SLC2A13: variants seen among roughly 807,000 people sequenced by gnomAD.
SLC2A13 encodes the protein solute carrier family 2 member 13.
In SLC2A13, 32 loss-of-function variants were observed where a neutral mutation model predicts 64.4. The ratio of observed to expected loss-of-function variants is 0.50; its 90% CI spans 0.37 to 0.67. The LOEUF is 0.67. Among genes scored for constraint, SLC2A13 ranks in the 30% least tolerant of loss-of-function variants. SLC2A13 has a pLI of 0.00. For synonymous variants in SLC2A13, 338 were observed against 327.1 expected, an observed-to-expected ratio of 1.03 and a Z score of -0.36; for missense variants, 743 against 829.2, an observed-to-expected ratio of 0.90 and a Z score of 1.28.
chr12:39,998,936 C>T (rs1778290060), intron 3 of SLC2A13, among the ~76,000 whole-genome samples: 1 of 152,114 alleles, frequency 6.6e-6, no homozygotes, highest in Non-Finnish European at 1.5e-5. Context: ...GCAGGTCTTT[C>T]CCATGCTGTT....
chr12:39,967,537 G>A (rs1255295435), intron 3 of SLC2A13, among the ~76,000 whole-genome samples: 7 of 152,170 alleles, frequency 4.6e-5, no homozygotes, highest in African/African-American at 9.7e-5. Context: ...CAGCCATGAC[G>A]TAACTGCTGT....
Position 39,759,733 on chromosome 12 carries a change from T to C in SLC2A13, c.*293A>G. ...TGGTCTTAGGAAAAAAGGATACCAC[T>C]GAAGTCACTGGGTACAATATTCATT... On this transcript the variant is annotated 3_prime_UTR_variant, in exon 10 of 10. Coordinates refer to ENST00000280871, the MANE Select transcript of SLC2A13 (RefSeq NM_052885.4). 1 of 304,532 alleles carries C rather than the reference T, an allele frequency of 3.3e-6. No individual in the cohort carries two copies. Among genetic ancestry groups the C allele is most frequent in the Admixed American group, 4.8e-5 (1 of 20,922 alleles). 18.9% of individuals were successfully genotyped at this position (304,532 alleles called of 1,614,324 possible). A position where few individuals can be genotyped will look rare whatever the true frequency, so the allele number is the denominator to read the frequency against.
intron 7 of SLC2A13, among the ~76,000 whole-genome samples, chr12:39,785,062 A>G (rs1941136168): frequency 6.6e-6 from 1 of 152,242 alleles, no homozygotes; most frequent in African/African-American, 2.4e-5. Flanking sequence ...TTTTCTGGGG[A>G]GAAATTCAAG....
intron 3 of SLC2A13, among the ~76,000 whole-genome samples, chr12:40,022,666 G>C (rs1200132405): frequency 2.0e-5 from 3 of 152,074 alleles, no homozygotes; most frequent in Non-Finnish European, 4.4e-5. Flanking sequence ...GTGAAACCCC[G>C]TCTCTACTAG....
At chr12:39,854,142 A>T (rs1011356381) in intron 6 of SLC2A13, among the ~76,000 whole-genome samples, 3 of 151,820 alleles carry the variant, frequency 2.0e-5, no homozygotes, top group Non-Finnish European at 4.4e-5. Context: ...TAAGGGAGGC[A>T]GGTGGACAGA....
At position 39,968,061 on chromosome 12, in the gene SLC2A13, T is replaced by TA. The variant is rs544306363; in HGVS notation, c.926-16697dup. Among the ~76,000 whole-genome samples the TA allele has an allele frequency of 1.3e-4, 20 of 152,294 alleles. No homozygotes were observed. In the South Asian group the frequency reaches 4.1e-3, roughly 32 times the overall value. On this transcript the variant is annotated intron_variant, in intron 3 of 9. Transcript: ENST00000280871. ...AATTCCTATAGCTTCCCTCCTGTAT[T>TA]AGTCTATTCTCATATTGCTAATAAA...
chr12:39,756,074 C>G lies in SLC2A13; in HGVS notation c.*3952G>C, dbSNP rs968861535. ...GAATGTACCGACAATTTATAGACTGCTACAACCTGAACCATTTCATCAAAT... is the reference window on the plus strand; with the variant it reads ...GAATGTACCGACAATTTATAGACTGGTACAACCTGAACCATTTCATCAAAT... On this transcript the variant is annotated 3_prime_UTR_variant, in exon 10 of 10. Coordinates refer to ENST00000280871, the MANE Select transcript of SLC2A13 (RefSeq NM_052885.4). The G allele has an allele frequency of 1.2e-4, 18 of 151,920 alleles. No individual in the cohort carries two copies. The highest frequency in any genetic ancestry group is 4.3e-4 in the African/African-American group (18 of 41,398). 9.4% of individuals were successfully genotyped at this position (151,920 alleles called of 1,614,324 possible).
At chr12:39,960,361 T>G (rs1946387250) in intron 3 of SLC2A13, among the ~76,000 whole-genome samples, 1 of 152,158 alleles carries the variant, frequency 6.6e-6, no homozygotes, top group African/African-American at 2.4e-5. Flanking sequence ...AATGACAGCT[T>G]TATTTATTCC....
intron 2 of SLC2A13, among the ~76,000 whole-genome samples, chr12:40,041,738 A>G (rs1157344987): frequency 6.6e-6 from 1 of 152,246 alleles, no homozygotes; most frequent in East Asian, 1.9e-4. Flanking sequence ...CAGCAGCCTC[A>G]TAACTAGGTT....
intron 3 of SLC2A13, among the ~76,000 whole-genome samples, chr12:40,022,223 C>T (rs1011646847): frequency 3.9e-5 from 6 of 152,194 alleles, no homozygotes; most frequent in Admixed American, 6.5e-5. Flanking sequence ...GCAAAGCCAA[C>T]GTTCACCCAG....
At chr12:39,838,489 A>T (rs1943084449) in intron 6 of SLC2A13, among the ~76,000 whole-genome samples, 1 of 121,504 alleles carries the variant, frequency 8.2e-6, no homozygotes, top group East Asian at 2.5e-4. Flanking sequence ...CTTAAAGTAT[A>T]ATAAAAAAAA....
intron 1 of SLC2A13, among the ~76,000 whole-genome samples, chr12:40,060,875 G>A (rs150421931): frequency 6.6e-6 from 1 of 152,242 alleles, no homozygotes; most frequent in East Asian, 1.9e-4. Flanking sequence ...GTCATTAACA[G>A]TTATCTTGTG....
chr12:39,861,881 AATTTT>A (rs1306693183), intron 6 of SLC2A13, among the ~76,000 whole-genome samples: 1 of 152,006 alleles, frequency 6.6e-6, no homozygotes, highest in African/African-American at 2.4e-5. Context: ...TTTTAAATTT[AATTTT>A]AAGTTCCAGG....
intron 4 of SLC2A13, among the ~76,000 whole-genome samples, chr12:39,876,832 G>C (rs1414824063): frequency 6.6e-6 from 1 of 152,140 alleles, no homozygotes; most frequent in South Asian, 2.1e-4. Flanking sequence ...GCCAGTCTAA[G>C]TAGGACAAAT....
chr12:39,804,405 C>A (rs1941900861), intron 7 of SLC2A13, among the ~76,000 whole-genome samples: 2 of 152,134 alleles, frequency 1.3e-5, no homozygotes, highest in African/African-American at 4.8e-5. Context: ...GAGAAACTGA[C>A]AACTTCACAA....
intron 6 of SLC2A13, among the ~76,000 whole-genome samples, chr12:39,842,602 A>G (rs938095136): frequency 2.6e-5 from 4 of 152,000 alleles, no homozygotes; most frequent in Non-Finnish European, 5.9e-5. Flanking sequence ...TCACTATAGC[A>G]CATATTTTTA....
chr12:40,044,098 CTGA>C (rs1454285195), intron 2 of SLC2A13, among the ~76,000 whole-genome samples: 1 of 152,004 alleles, frequency 6.6e-6, no homozygotes, highest in Non-Finnish European at 1.5e-5. Flanking sequence ...TACCTATCAA[CTGA>C]TGAATAGATA....
At chr12:39,863,539 G>T (rs903854202) in intron 6 of SLC2A13, among the ~76,000 whole-genome samples, 11 of 152,078 alleles carry the variant, frequency 7.2e-5, no homozygotes, top group African/African-American at 2.7e-4. Flanking sequence ...CAAAGTAACT[G>T]TGTTAAAAAC....
intron 4 of SLC2A13, among the ~76,000 whole-genome samples, chr12:39,873,190 C>A (rs1944100052): frequency 6.6e-6 from 1 of 152,094 alleles, no homozygotes; most frequent in South Asian, 2.1e-4. Flanking sequence ...AACTATGTAG[C>A]ATGAAGGATG....
Sources: gnomAD v4.1 joint callset for allele counts (sites outside exome capture counted in the v4.1 genomes callset) on GRCh38, gnomAD v4.1.1 for gene constraint, MANE v1.5 for transcripts, NCBI Gene and HGNC (gene_info 2026-07-23, HGNC 2026-07-21) for gene names.